The following ZNF829 variants were observed in gnomAD, a reference collection of about 807,000 sequenced individuals.
ZNF829 encodes zinc finger protein 829.
A neutral mutation model predicts 35.2 loss-of-function variants in ZNF829; 25 were observed. That is an observed-to-expected ratio of 0.71 (90% CI 0.52 to 0.99). The LOEUF (loss-of-function observed/expected upper bound fraction) is 0.99. Ranked by LOEUF, ZNF829 falls within the 50% of genes least tolerant of loss-of-function variation. The pLI, the probability that ZNF829 is intolerant of heterozygous loss-of-function variation, is 0.00. For synonymous variants in ZNF829, 136 were observed against 163.2 expected (o/e 0.83, Z 1.27); for missense variants, 417 against 515.3 (o/e 0.81, Z 1.85).
At chr19:36,910,734 C>T (rs80190514) in intron 3 of ZNF829, among the ~76,000 whole-genome samples, 24,773 of 152,082 alleles carry the variant, frequency 0.16, 2,553 homozygotes, top group African/African-American at 0.28. Flanking sequence ...AGGCCGGGTG[C>T]GGTAGCTCAT....
chr19:36,893,441 T>A (rs1202961700), intron 5 of ZNF829, among the ~76,000 whole-genome samples: 1 of 152,202 alleles, frequency 6.6e-6, no homozygotes, highest in African/African-American at 2.4e-5. Context: ...TGGAACTCCA[T>A]GTCAACATAT....
intron 1 of ZNF829, chr19:36,915,734 TTA>T: frequency 5.7e-6 from 5 of 881,850 alleles, no homozygotes; most frequent in Non-Finnish European, 8.6e-6. Context: ...GTAGCTGGGA[TTA>T]CAGGCGCGCG....
At position 36,889,980 on chromosome 19, in the gene ZNF829, T is replaced by G. The variant is rs2073034721; in HGVS notation, c.*1512A>C. ...TCATGTGTTTTGTCTCTATTTTCAT[T>G]TATTTCAAAAAATTTTAAATTTCCA... is the stretch of plus-strand genomic sequence containing the variant. On this transcript the variant is annotated 3_prime_UTR_variant, in exon 6 of 6. Transcript: ENST00000391711. 1 of 152,198 alleles carries G rather than the reference T, an allele frequency of 6.6e-6. No homozygotes were observed. Among genetic ancestry groups the G allele is most frequent in the South Asian group, 2.1e-4 (1 of 4,828 alleles). 9.4% of individuals were successfully genotyped at this position (152,198 alleles called of 1,614,324 possible).
chr19:36,903,363 A>T (rs1046069107), intron 5 of ZNF829, among the ~76,000 whole-genome samples: 1 of 152,298 alleles, frequency 6.6e-6, no homozygotes, highest in East Asian at 1.9e-4. Flanking sequence ...AATTTTAGTT[A>T]TAGTATGTGC....
At chr19:36,899,643 TA>T (rs989006071) in intron 5 of ZNF829, among the ~76,000 whole-genome samples, 4 of 147,882 alleles carry the variant, frequency 2.7e-5, no homozygotes, top group South Asian at 2.1e-4. Flanking sequence ...CGATAAAAAC[TA>T]AAAAAAAAGC....
chr19:36,891,959 T>G lies in ZNF829; in HGVS notation c.832A>C (p.Thr278Pro). ...TGTAGAAAAAGTTGTGAACTTTTAGTAAAGGCTTTTCCACATACTTTACAT... is the reference window on the plus strand; with the variant it reads ...TGTAGAAAAAGTTGTGAACTTTTAGGAAAGGCTTTTCCACATACTTTACAT... ...YECKVCGKAF[T>P]KSSQLFLHLR... The change falls in exon 6 of 6, where the codon ACT becomes CCT. Residue 278 changes from threonine to proline, a missense_variant. Physicochemically the swap from Thr to Pro is conservative, Grantham distance 38. Transcript: ENST00000391711. 6.2e-7 allele frequency: 1 copy of G among 1,613,780 alleles called. No homozygotes were observed. The highest frequency in any genetic ancestry group is 1.1e-5 in the South Asian group (1 of 91,050).
chr19:36,909,014 A>T (rs2073241832), intron 3 of ZNF829, among the ~76,000 whole-genome samples: 1 of 152,236 alleles, frequency 6.6e-6, no homozygotes. Context: ...TGATAAAAGT[A>T]CTTCCAATGT....
In ZNF829 at chr19:36,901,001, G is replaced by A. The variant is rs190011657; in HGVS notation, c.319+6928C>T. ...CTGGCTAAACACAGAGTTATGATAT[G>A]ACCCAGCAATTCTACTCCTAGGTAG... On this transcript the variant is annotated intron_variant, in intron 5 of 5. Transcript: ENST00000391711. 8.5e-5 allele frequency among the ~76,000 whole-genome samples: 13 copies of A among 152,220 alleles called. No individual in the cohort carries two copies. In the East Asian group the frequency reaches 2.5e-3, roughly 29 times the overall value.
Position 36,891,601 on chromosome 19 carries a change from C to T in ZNF829, c.1190G>A (p.Arg397Gln), listed in dbSNP as rs372663992. The T allele has an allele frequency of 6.3e-5, 100 of 1,583,892 alleles. No individual in the cohort carries two copies. In the African/African-American group the frequency reaches 1.0e-3, roughly 16 times the overall value. Residue 397 changes from arginine (R) to glutamine (Q), a missense_variant, in exon 6 of 6, where the codon CGA becomes CAA. By Grantham distance (43) the Arg-to-Gln change is conservative (BLOSUM62 1). Transcript: ENST00000391711. ...KAFNKGSNLT[R>Q]HQRIHTGEKP... is the part of the protein sequence containing the mutation. ...CTCACCAGTGTGAATTCTCTGATGT[C>T]GAGTAAGATTTGAGCCTTTATTAAA...
chr19:36,916,195 C>T lies in ZNF829; in HGVS notation c.-269G>A. 2.1e-6 allele frequency: 1 copy of T among 475,188 alleles called. No homozygotes were observed. The highest frequency in any genetic ancestry group is 3.7e-6 in the Non-Finnish European group (1 of 267,710). 29.4% of individuals were successfully genotyped at this position (475,188 alleles called of 1,614,324 possible). A position where few individuals can be genotyped will look rare whatever the true frequency, so the allele number is the denominator to read the frequency against. On this transcript the variant is annotated 5_prime_UTR_variant, in exon 1 of 6. Coordinates refer to ENST00000391711, the MANE Select transcript of ZNF829 (RefSeq NM_001037232.4). This position sits in a 1 kb window ranked among gnomAD's most constrained non-coding sequence, Gnocchi z 5.3. ...CAACTCTCAACATCCAGCCGAGCCT[C>T]GGAGTTGCGGGTCGCCGTAGCGCTG... is the stretch of plus-strand genomic sequence containing the variant.
At position 36,890,697 on chromosome 19, in the gene ZNF829, A is replaced by G. The variant is rs2073042100; in HGVS notation, c.*795T>C. The G allele has an allele frequency of 6.6e-6, 1 of 151,096 alleles. No individual in the cohort carries two copies. The highest frequency in any genetic ancestry group is 2.1e-4 in the South Asian group (1 of 4,778). The allele number at this position is 151,096 out of a possible 1,614,324, so 9.4% of individuals were successfully genotyped here. A position where few individuals can be genotyped will look rare whatever the true frequency, so the allele number is the denominator to read the frequency against. On this transcript the variant is annotated 3_prime_UTR_variant, in exon 6 of 6. Coordinates refer to ENST00000391711, the MANE Select transcript of ZNF829 (RefSeq NM_001037232.4). ...CGCTACTAAAAATACAAAAAAAAAA[A>G]AAAAAAAAATTAGCCGGGCATGGTG...
Position 36,916,057 on chromosome 19 carries a change from C to T in ZNF829, c.-131G>A. 1 of 942,902 alleles carries T rather than the reference C, an allele frequency of 1.1e-6. No homozygotes were observed. The highest frequency in any genetic ancestry group is 1.5e-6 in the Non-Finnish European group (1 of 659,016). The allele number at this position is 942,902 out of a possible 1,614,324, so 58.4% of individuals were successfully genotyped here. A position where few individuals can be genotyped will look rare whatever the true frequency, so the allele number is the denominator to read the frequency against. ...CCAGGAGTGACGAAACGTTCGAATT[C>T]CTGCGAGAAAAGTGGCAGGCCACCA... On this transcript the variant is annotated 5_prime_UTR_variant, in exon 1 of 6. Transcript: ENST00000391711. The surrounding 1 kb of genome is among the most constrained non-coding windows in gnomAD (Gnocchi z 5.3).
At chr19:36,895,103 C>T (rs367706114) in intron 5 of ZNF829, among the ~76,000 whole-genome samples, 119 of 152,160 alleles carry the variant, frequency 7.8e-4, no homozygotes, top group Non-Finnish European at 1.5e-3. Context: ...ACAAGGGAAC[C>T]CTCATCAGAA....
At position 36,891,724 on chromosome 19, in the gene ZNF829, T is replaced by G; in HGVS notation, c.1067A>C (p.Glu356Ala). ...HAGEKLYECE[E>A]CRKAFIQSSE... Reference sequence around the variant, plus strand: ...GCTCTGAATAAAGGCCTTTCTACATTCTTCACATTCATAGAGCTTCTCACC... The same window carrying G: ...GCTCTGAATAAAGGCCTTTCTACATGCTTCACATTCATAGAGCTTCTCACC... Residue 356 changes from glutamate to alanine, a missense_variant, in exon 6 of 6, where the codon GAA (glutamate) becomes GCA (alanine). Coordinates refer to ENST00000391711, the MANE Select transcript of ZNF829 (RefSeq NM_001037232.4). 1 of 1,614,156 alleles carries G rather than the reference T, an allele frequency of 6.2e-7. No individual in the cohort carries two copies. Among genetic ancestry groups the G allele is most frequent in the Non-Finnish European group, 8.5e-7 (1 of 1,180,020 alleles).
chr19:36,897,685 A>G lies in ZNF829; in HGVS notation c.320-5214T>C, dbSNP rs535284903. Reference sequence around the variant, plus strand: ...CCACTATTATTCAATATAGTACTGGAAGTCCTATCCAGAGCAATCAGGCAA... The same window carrying G: ...CCACTATTATTCAATATAGTACTGGGAGTCCTATCCAGAGCAATCAGGCAA... On this transcript the variant is annotated intron_variant, in intron 5 of 5. Coordinates refer to ENST00000391711, the MANE Select transcript of ZNF829 (RefSeq NM_001037232.4). Among the ~76,000 whole-genome samples, 11 of 152,324 alleles carry G rather than the reference A, an allele frequency of 7.2e-5. No individual in the cohort carries two copies. The East Asian group carries it at 2.1e-3, about 29-fold the overall frequency.
intron 1 of ZNF829, 73 bp from the exon 2 acceptor site, chr19:36,915,324 C>T: frequency 1.3e-6 from 2 of 1,500,192 alleles, no homozygotes; most frequent in Non-Finnish European, 1.8e-6. Context: ...ATGCCACATA[C>T]ATTTAGGGAC....
chr19:36,909,804 C>G (rs2073248354), intron 3 of ZNF829, among the ~76,000 whole-genome samples: 2 of 87,062 alleles, frequency 2.3e-5, no homozygotes, highest in African/African-American at 6.5e-5. Context: ...GAGACTCTGT[C>G]TCAAAAAAAA....
At position 36,911,015 on chromosome 19, in the gene ZNF829, C is replaced by G. The variant is rs1033243268; in HGVS notation, c.97-2556G>C. Among the ~76,000 whole-genome samples, 7 of 152,030 alleles carry G rather than the reference C, an allele frequency of 4.6e-5. No homozygotes were observed. The East Asian group carries it at 1.4e-3, about 29-fold the overall frequency. Reference sequence around the variant, plus strand: ...GAGTGAAACGCCATCTCAAAACCAACAAACAAAGAAACCAACAAAAAAGTA... The same window carrying G: ...GAGTGAAACGCCATCTCAAAACCAAGAAACAAAGAAACCAACAAAAAAGTA... On this transcript the variant is annotated intron_variant, in intron 3 of 5. Coordinates refer to ENST00000391711, the MANE Select transcript of ZNF829 (RefSeq NM_001037232.4).
intron 5 of ZNF829, among the ~76,000 whole-genome samples, chr19:36,903,534 T>C (rs781770168): frequency 1.3e-5 from 2 of 152,212 alleles, no homozygotes; most frequent in Non-Finnish European, 2.9e-5. Context: ...CTTTATAATT[T>C]GAGTAGTTGA....
Sources: gnomAD v4.1 joint callset for allele counts (sites outside exome capture counted in the v4.1 genomes callset) on GRCh38, gnomAD v4.1.1 for gene constraint, Gnocchi (gnomAD v3.1) non-coding constraint, MANE v1.5 for transcripts, NCBI Gene and HGNC (gene_info 2026-07-23, HGNC 2026-07-21) for gene names.